The following TMC5 variants were observed in gnomAD, a reference collection of about 807,000 sequenced individuals.
TMC5 encodes transmembrane channel-like protein 5.
TMC5 carries 86 observed loss-of-function variants against 110.5 expected under a neutral mutation model. The ratio of observed to expected loss-of-function variants is 0.78; its 90% CI spans 0.65 to 0.93. The LOEUF (loss-of-function observed/expected upper bound fraction) is 0.93, where lower values mean the gene tolerates loss of function less well. TMC5 is among the 40% of genes least tolerant of loss of function. The pLI, the probability that TMC5 is intolerant of heterozygous loss-of-function variation, is 0.00. For synonymous variants in TMC5, 455 were observed against 439.5 expected (o/e 1.04, Z -0.44); for missense variants, 1,144 against 1,222.8 (o/e 0.94, Z 0.96).
intron 10 of TMC5, among the ~76,000 whole-genome samples, chr16:19,470,800 G>A (rs1488366023): frequency 2.0e-5 from 3 of 149,606 alleles, no homozygotes; most frequent in Non-Finnish European, 4.4e-5. Context: ...TTGGGAGGAC[G>A]AGGCAGGCAT....
At chr16:19,483,438 C>G (rs1175595701) in intron 15 of TMC5, among the ~76,000 whole-genome samples, 2 of 152,162 alleles carry the variant, frequency 1.3e-5, no homozygotes, top group Admixed American at 6.5e-5. Flanking sequence ...ATGGAGATCA[C>G]TGTGCTTGTC....
At chr16:19,421,625 A>T (rs937215125) in intron 1 of TMC5, among the ~76,000 whole-genome samples, 2 of 152,100 alleles carry the variant, frequency 1.3e-5, no homozygotes, top group Non-Finnish European at 2.9e-5. Flanking sequence ...CCCCCTTTAA[A>T]TTTGCACCTC....
In TMC5 at chr16:19,479,475, G is replaced by T; in HGVS notation, c.2214G>T (p.Leu738=). The part of the protein sequence containing the change: ...LIGQDIYRLL[L]MDFVFSLVNS... ...GCCAGGACATCTACCGGCTCCTTCT[G>T]ATGGATTTTGTGTTCTCTTTAGTCA... Residue 738 remains leucine (L), a synonymous_variant, in exon 14 of 22, where the codon CTG becomes CTT. Transcript: ENST00000542583. The T allele has an allele frequency of 6.2e-7, 1 of 1,614,058 alleles. No homozygotes were observed. The highest frequency in any genetic ancestry group is 1.1e-5 in the South Asian group (1 of 91,074).
chr16:19,463,416 G>C, intron 7 of TMC5, 49 bp downstream of exon 7: 1 of 1,429,184 alleles, frequency 7.0e-7, no homozygotes, highest in South Asian at 1.1e-5. Context: ...AGGGAGGGAG[G>C]AGAGTGAGGA....
At chr16:19,458,022 C>T (rs376540166) in intron 5 of TMC5, among the ~76,000 whole-genome samples, 1 of 151,764 alleles carries the variant, frequency 6.6e-6, no homozygotes, top group East Asian at 1.9e-4. Context: ...GCCACCACAT[C>T]CAGCCTCAAG....
Position 19,460,977 on chromosome 16 carries a change from G to A in TMC5, c.1148+643G>A, listed in dbSNP as rs1027840250. ...TCGAGACCAGCATGGGCATCATAGTGAGACTCCATCTTTACAAAAAATGAA... is the reference window on the plus strand; with the variant it reads ...TCGAGACCAGCATGGGCATCATAGTAAGACTCCATCTTTACAAAAAATGAA... On this transcript the variant is annotated intron_variant, in intron 6 of 21. Transcript: ENST00000542583. 2.0e-4 allele frequency among the ~76,000 whole-genome samples: 31 copies of A among 152,042 alleles called. 1 individual carries two copies. Among genetic ancestry groups the A allele is most frequent in the Non-Finnish European group, 4.1e-4 (28 of 68,014 alleles).
At chr16:19,471,937 T>C in intron 10 of TMC5, 151 bp from the exon 11 acceptor site, 1 of 702,512 alleles carries the variant, frequency 1.4e-6, no homozygotes, top group East Asian at 3.0e-5. Context: ...ATTTTTGTAT[T>C]TTTGGTAGAG....
chr16:19,494,552 T>C (rs1384445441), intron 20 of TMC5, among the ~76,000 whole-genome samples, 186 bp downstream of exon 20: 1 of 152,208 alleles, frequency 6.6e-6, no homozygotes, highest in African/African-American at 2.4e-5. Context: ...CTCACGCCTG[T>C]AATCCCAGCA....
chr16:19,494,216 C>A, intron 19 of TMC5, 46 bp from the exon 20 acceptor site: 1 of 1,444,642 alleles, frequency 6.9e-7, no homozygotes, highest in South Asian at 1.2e-5. Flanking sequence ...TACCATCATT[C>A]ATTCATATTT....
intron 2 of TMC5, among the ~76,000 whole-genome samples, chr16:19,434,072 T>TTATATATAATATATATATATCTATAA: frequency 4.9e-5 from 1 of 20,216 alleles, no homozygotes; most frequent in Non-Finnish European, 7.5e-5. Context: ...TCTATATATA[T>TTATATATAATATATATATATCTATAA]TATATATAAT....
chr16:19,418,947 T>G (rs1966917987), intron 1 of TMC5, among the ~76,000 whole-genome samples: 1 of 152,202 alleles, frequency 6.6e-6, no homozygotes, highest in Non-Finnish European at 1.5e-5. Flanking sequence ...TAGGATGGTC[T>G]CAAACTCCTA....
chr16:19,482,849 C>A (rs1968650230), intron 15 of TMC5, among the ~76,000 whole-genome samples: 1 of 151,716 alleles, frequency 6.6e-6, no homozygotes, highest in African/African-American at 2.4e-5. Context: ...GCTGTGTTTC[C>A]TTATTTATTT....
intron 4 of TMC5, among the ~76,000 whole-genome samples, chr16:19,447,286 A>T (rs1230400600): frequency 6.6e-6 from 1 of 152,006 alleles, no homozygotes; most frequent in African/African-American, 2.4e-5. Flanking sequence ...CCGTAAGCTG[A>T]AAGTGCTCAA....
At chr16:19,456,937 T>G (rs1188555904) in intron 5 of TMC5, 1 of 1,614,234 alleles carries the variant, frequency 6.2e-7, no homozygotes, top group Non-Finnish European at 8.5e-7. Context: ...CATCTTTGAA[T>G]GAGTCGATGT....
At chr16:19,456,775 C>T (rs778548389) in intron 5 of TMC5, 1 of 1,614,046 alleles carries the variant, frequency 6.2e-7, no homozygotes, top group South Asian at 1.1e-5. Flanking sequence ...GGGTCCAAAG[C>T]CACCCATCCT....
In TMC5 at chr16:19,487,032, C is replaced by T. The variant is rs779975059; in HGVS notation, c.2439+12C>T. 2.1e-5 allele frequency: 34 copies of T among 1,613,250 alleles called. No individual in the cohort carries two copies. Among genetic ancestry groups the T allele is most frequent in the African/African-American group, 1.6e-4 (12 of 74,890 alleles). Reference sequence around the variant, plus strand: ...TCTACTCCAAAAATGTGAGTCAGTCCGACATTGCCATCAATCAGCTTTGTT... The same window carrying T: ...TCTACTCCAAAAATGTGAGTCAGTCTGACATTGCCATCAATCAGCTTTGTT... On this transcript the variant is annotated intron_variant, in intron 16 of 21. Coordinates refer to ENST00000542583, the MANE Select transcript of TMC5 (RefSeq NM_001261841.2).
intron 1 of TMC5, among the ~76,000 whole-genome samples, chr16:19,424,268 A>AATCTT (rs957082099): frequency 1.3e-5 from 2 of 152,190 alleles, no homozygotes; most frequent in African/African-American, 4.8e-5. Flanking sequence ...AACTCAGGGA[A>AATCTT]ATCTTTACTT....
intron 1 of TMC5, among the ~76,000 whole-genome samples, chr16:19,412,863 G>C (rs12935349): frequency 0.52 from 78,973 of 151,934 alleles, 22,308 homozygotes; most frequent in South Asian, 0.72. Context: ...TTTAGTTTTA[G>C]AGACTGAGTC....
chr16:19,457,063 T>G, intron 5 of TMC5: 2 of 1,494,530 alleles, frequency 1.3e-6, no homozygotes, highest in South Asian at 1.2e-5. Flanking sequence ...GAAAAAAGGC[T>G]TCCTCGTTGT....
Sources: allele counts gnomAD v4.1 joint callset (sites outside exome capture counted in the v4.1 genomes callset), GRCh38; gene constraint gnomAD v4.1.1; transcripts MANE v1.5; gene names NCBI Gene and HGNC (gene_info 2026-07-23, HGNC 2026-07-21).